MCPH1: variants seen among roughly 807,000 people sequenced by gnomAD.
MCPH1 encodes the protein microcephalin.
Under a neutral mutation model 84.5 loss-of-function variants are expected in MCPH1, and 104 were observed. The ratio of observed to expected loss-of-function variants is 1.23; its 90% CI spans 1.05 to 1.45. The LOEUF (loss-of-function observed/expected upper bound fraction) is 1.45, where lower values mean the gene tolerates loss of function less well. Among genes scored for constraint, MCPH1 ranks in the 40% most tolerant of loss-of-function variants. The pLI, the probability that MCPH1 is intolerant of heterozygous loss-of-function variation, is 0.00. For synonymous variants in MCPH1, 514 were observed against 366.8 expected, an observed-to-expected ratio of 1.40 and a Z score of -4.58; for missense variants, 1,498 against 1,005.7, an observed-to-expected ratio of 1.49 and a Z score of -6.62.
At chr8:6,479,734 G>A (rs1188046507) in intron 10 of MCPH1, among the ~76,000 whole-genome samples, 1 of 152,082 alleles carries the variant, frequency 6.6e-6, no homozygotes, top group Non-Finnish European at 1.5e-5. Flanking sequence ...AGAACTAATG[G>A]CATAGAAAGG....
At chr8:6,431,816 G>A (rs993852673) in intron 4 of MCPH1, among the ~76,000 whole-genome samples, 2 of 152,146 alleles carry the variant, frequency 1.3e-5, no homozygotes, top group Non-Finnish European at 2.9e-5. Context: ...GGTTGGCCAT[G>A]GGAAGACTAA....
chr8:6,545,749 G>C (rs1029602464), intron 12 of MCPH1, among the ~76,000 whole-genome samples: 2 of 152,226 alleles, frequency 1.3e-5, no homozygotes, highest in African/African-American at 4.8e-5. Context: ...TTGGATTTCA[G>C]TGGCTTCAAG....
chr8:6,641,789 T>C (rs552569654), intron 13 of MCPH1, among the ~76,000 whole-genome samples: 7 of 152,288 alleles, frequency 4.6e-5, no homozygotes, highest in African/African-American at 1.7e-4. Flanking sequence ...TGCTTCACTG[T>C]TGTGGAGAGA....
chr8:6,420,044 C>G (rs1001191825), intron 3 of MCPH1, among the ~76,000 whole-genome samples: 3 of 149,532 alleles, frequency 2.0e-5, no homozygotes, highest in African/African-American at 7.4e-5. Flanking sequence ...ATAGGTGATG[C>G]TGGTGAGGGA....
At chr8:6,522,428 A>G (rs1270874720) in intron 12 of MCPH1, among the ~76,000 whole-genome samples, 1 of 152,116 alleles carries the variant, frequency 6.6e-6, no homozygotes, top group Non-Finnish European at 1.5e-5. Context: ...AATGTTTGTT[A>G]ACGTTAATAT....
chr8:6,459,042 G>C (rs1244557639), intron 9 of MCPH1, among the ~76,000 whole-genome samples: 3 of 152,196 alleles, frequency 2.0e-5, no homozygotes, highest in Non-Finnish European at 4.4e-5. Context: ...GTGGTAATGA[G>C]TCCACAGAAA....
At chr8:6,584,589 G>T (rs568327160) in intron 12 of MCPH1, among the ~76,000 whole-genome samples, 1 of 152,014 alleles carries the variant, frequency 6.6e-6, no homozygotes, top group South Asian at 2.1e-4. Flanking sequence ...TATAACCGGG[G>T]GAGGAAAAAA....
intron 11 of MCPH1, among the ~76,000 whole-genome samples, chr8:6,488,940 C>G (rs369596297): frequency 6.6e-6 from 1 of 151,958 alleles, no homozygotes. Context: ...CTAGGAAGAT[C>G]TAGTGGAATC....
At chr8:6,516,181 A>T (rs1816231220) in intron 12 of MCPH1, among the ~76,000 whole-genome samples, 1 of 152,190 alleles carries the variant, frequency 6.6e-6, no homozygotes, top group South Asian at 2.1e-4. Flanking sequence ...CTGATGTAGA[A>T]AATCAGTCTG....
chr8:6,571,111 C>G (rs956644591), intron 12 of MCPH1, among the ~76,000 whole-genome samples: 2 of 151,744 alleles, frequency 1.3e-5, no homozygotes, highest in Non-Finnish European at 2.9e-5. Flanking sequence ...AATATTTTAT[C>G]TTCCCATCAA....
At chr8:6,539,426 C>T (rs765379815) in intron 12 of MCPH1, among the ~76,000 whole-genome samples, 11 of 152,154 alleles carry the variant, frequency 7.2e-5, no homozygotes, top group Non-Finnish European at 1.6e-4. Context: ...AGCCTGGCCT[C>T]TGGTGCCAAT....
At chr8:6,633,696 A>G (rs1280089254) in intron 13 of MCPH1, among the ~76,000 whole-genome samples, 2 of 152,084 alleles carry the variant, frequency 1.3e-5, no homozygotes, top group Admixed American at 6.6e-5. Context: ...CACGCCCACA[A>G]TGTGTAATAA....
chr8:6,524,127 A>G (rs760674767), intron 12 of MCPH1, among the ~76,000 whole-genome samples: 1 of 152,182 alleles, frequency 6.6e-6, no homozygotes, highest in Non-Finnish European at 1.5e-5. Context: ...TTTTCCTTCC[A>G]ATATAAAGTT....
At chr8:6,493,484 T>C (rs1281864074) in intron 11 of MCPH1, among the ~76,000 whole-genome samples, 1 of 152,214 alleles carries the variant, frequency 6.6e-6, no homozygotes, top group African/African-American at 2.4e-5. Flanking sequence ...AACTATATAC[T>C]TTTAGTACTT....
At chr8:6,640,622 C>G (rs1797880970) in intron 13 of MCPH1, among the ~76,000 whole-genome samples, 1 of 152,170 alleles carries the variant, frequency 6.6e-6, no homozygotes, top group African/African-American at 2.4e-5. Context: ...AAAACTCTGT[C>G]TCTTTAGCTG....
chr8:6,477,155 T>G (rs1808578516), intron 9 of MCPH1: 1 of 162,386 alleles, frequency 6.2e-6, no homozygotes, highest in African/African-American at 2.4e-5. Flanking sequence ...ACTTGACAGG[T>G]GCAACAGAAG....
At chr8:6,500,858 C>T (rs147060948) in intron 12 of MCPH1, 6 of 152,228 alleles carry the variant, frequency 3.9e-5, no homozygotes, top group Admixed American at 3.9e-4. Context: ...TGAGATTTGT[C>T]CTTGAATTTT....
chr8:6,513,794 C>A (rs200777464), intron 12 of MCPH1: 9 of 1,613,786 alleles, frequency 5.6e-6, no homozygotes, highest in Non-Finnish European at 7.6e-6. Context: ...TAGTCAGTTG[C>A]GAAACAAACT....
At chr8:6,547,610 A>C (rs1236794060) in intron 12 of MCPH1, among the ~76,000 whole-genome samples, 1 of 152,080 alleles carries the variant, frequency 6.6e-6, no homozygotes, top group Non-Finnish European at 1.5e-5. Context: ...CACTTGCCTC[A>C]TCAGTAGAGG....
Sources: allele counts gnomAD v4.1 joint callset (sites outside exome capture counted in the v4.1 genomes callset), GRCh38; gene constraint gnomAD v4.1.1; transcripts MANE v1.5; gene names NCBI Gene and HGNC (gene_info 2026-07-23, HGNC 2026-07-21).